DPYSL3: variants seen among roughly 807,000 people sequenced by gnomAD.
DPYSL3 encodes the protein dihydropyrimidinase like 3.
DPYSL3 carries 16 observed loss-of-function variants against 66.1 expected under a neutral mutation model. The ratio of observed to expected loss-of-function variants is 0.24; its 90% CI spans 0.16 to 0.37. DPYSL3 has a LOEUF of 0.37. Ranked by LOEUF, DPYSL3 falls within the 10% of genes least tolerant of loss-of-function variation. The pLI, the probability that DPYSL3 is intolerant of heterozygous loss-of-function variation, is 1.00. For missense variants in DPYSL3, 738 were observed against 916.2 expected, an observed-to-expected ratio of 0.81 and a Z score of 2.51; for synonymous variants, 338 against 345.1, an observed-to-expected ratio of 0.98 and a Z score of 0.23.
intron 1 of DPYSL3, among the ~76,000 whole-genome samples, chr5:147,429,294 C>T (rs946106215): frequency 6.6e-6 from 1 of 152,150 alleles, no homozygotes; most frequent in Non-Finnish European, 1.5e-5. Context: ...CAGCAGGGTT[C>T]TAGGCATACC....
At chr5:147,506,226 T>C (rs1428020494) in intron 1 of DPYSL3, among the ~76,000 whole-genome samples, 1 of 152,128 alleles carries the variant, frequency 6.6e-6, no homozygotes, top group African/African-American at 2.4e-5. Flanking sequence ...TAGTGATAAA[T>C]ATTATAGAAG....
chr5:147,447,564 G>A (rs141739513), intron 1 of DPYSL3, among the ~76,000 whole-genome samples: 2 of 152,180 alleles, frequency 1.3e-5, no homozygotes, highest in East Asian at 1.9e-4. Context: ...GGAGCAGTTC[G>A]CCTCTCCTAT....
At chr5:147,436,013 T>C (rs1023115362) in intron 1 of DPYSL3, among the ~76,000 whole-genome samples, 13 of 152,228 alleles carry the variant, frequency 8.5e-5, no homozygotes, top group African/African-American at 2.9e-4. Flanking sequence ...AGCAGAGACA[T>C]GCAGCTGCCC....
In DPYSL3 at chr5:147,509,932, C is replaced by A; in HGVS notation, c.-74G>T. 1.4e-6 allele frequency: 2 copies of A among 1,448,192 alleles called. No individual in the cohort carries two copies. Among genetic ancestry groups the A allele is most frequent in the Non-Finnish European group, 1.8e-6 (2 of 1,103,676 alleles). 89.7% of individuals were successfully genotyped at this position (1,448,192 alleles called of 1,614,324 possible). A position where few individuals can be genotyped will look rare whatever the true frequency, so the allele number is the denominator to read the frequency against. On this transcript the variant is annotated 5_prime_UTR_variant, in exon 1 of 14. Coordinates refer to ENST00000343218, the MANE Select transcript of DPYSL3 (RefSeq NM_001197294.2). This position sits in a 1 kb window ranked among gnomAD's most constrained non-coding sequence, Gnocchi z 5.3. ...AAGGGCAGCCGCCGGCAGCGTGCGCCGAGCCACAGTGACTGTGGCGGGAGG... is the reference window on the plus strand; with the variant it reads ...AAGGGCAGCCGCCGGCAGCGTGCGCAGAGCCACAGTGACTGTGGCGGGAGG...
intron 1 of DPYSL3, among the ~76,000 whole-genome samples, chr5:147,467,896 GT>G (rs1753034122): frequency 6.6e-6 from 1 of 152,150 alleles, no homozygotes; most frequent in Admixed American, 6.6e-5. Context: ...CTCCTGGATG[GT>G]GCCTTCTAGG....
chr5:147,394,928 T>C (rs1466660531), intron 13 of DPYSL3, among the ~76,000 whole-genome samples: 1 of 152,224 alleles, frequency 6.6e-6, no homozygotes, highest in Non-Finnish European at 1.5e-5. Context: ...TTATTCATTA[T>C]AGGAATGCGA....
chr5:147,510,043 T>C lies in DPYSL3; in HGVS notation c.-185A>G, dbSNP rs923389450. Reference sequence around the variant, plus strand: ...CGAGCCAGCGAGCCACACAGCCAGCTAGCGCGCGGAGCAGGGGCCCAGAGT... The same window carrying C: ...CGAGCCAGCGAGCCACACAGCCAGCCAGCGCGCGGAGCAGGGGCCCAGAGT... On this transcript the variant is annotated 5_prime_UTR_variant, in exon 1 of 14. Transcript: ENST00000343218. 1.2e-5 allele frequency: 13 copies of C among 1,041,990 alleles called. No individual in the cohort carries two copies. The highest frequency in any genetic ancestry group is 2.8e-5 in the East Asian group (1 of 35,324). 64.5% of individuals were successfully genotyped at this position (1,041,990 alleles called of 1,614,324 possible).
intron 1 of DPYSL3, among the ~76,000 whole-genome samples, chr5:147,501,282 G>C (rs796206624): frequency 1.1e-4 from 16 of 152,200 alleles, no homozygotes; most frequent in African/African-American, 3.1e-4. Context: ...GCAGTAAAAA[G>C]ATCAGTGGTT....
chr5:147,400,267 A>C (rs1013098399), intron 10 of DPYSL3, among the ~76,000 whole-genome samples: 2 of 152,230 alleles, frequency 1.3e-5, no homozygotes, highest in Non-Finnish European at 2.9e-5. Flanking sequence ...ACATGCCCTC[A>C]GTACAGGGCG....
chr5:147,429,739 C>T (rs1356884142), intron 1 of DPYSL3, among the ~76,000 whole-genome samples: 3 of 152,056 alleles, frequency 2.0e-5, no homozygotes, highest in African/African-American at 4.8e-5. Context: ...CCTAGGACAC[C>T]GTACCAAGTG....
At chr5:147,493,559 GCGAGAC>G (rs1238151247) in intron 1 of DPYSL3, among the ~76,000 whole-genome samples, 2 of 151,762 alleles carry the variant, frequency 1.3e-5, no homozygotes, top group Non-Finnish European at 2.9e-5. Flanking sequence ...GGGTGACAGA[GCGAGAC>G]TCTGTCTAAA....
intron 1 of DPYSL3, among the ~76,000 whole-genome samples, chr5:147,462,980 C>A (rs1417153718): frequency 6.6e-6 from 1 of 152,114 alleles, no homozygotes; most frequent in Non-Finnish European, 1.5e-5. Flanking sequence ...AAATGCCCAG[C>A]ACAAGGTTCT....
chr5:147,400,843 G>A lies in DPYSL3; in HGVS notation c.1311-10C>T, dbSNP rs58562158. On this transcript the variant is annotated splice_polypyrimidine_tract_variant and intron_variant, in intron 9 of 13. Transcript: ENST00000343218. The stretch of plus-strand genomic sequence containing the variant: ...TAGCTGCAGATCCCCGCTGGCAAAG[G>A]AGAAAAGCTCCACATGAACAGGGGA... The A allele has an allele frequency of 5.9e-3, 9,511 of 1,612,620 alleles. 494 individuals carry two copies. The African/African-American group carries it at 0.11, about 19-fold the overall frequency.
At chr5:147,447,207 T>C (rs1211293125) in intron 1 of DPYSL3, among the ~76,000 whole-genome samples, 2 of 152,202 alleles carry the variant, frequency 1.3e-5, no homozygotes, top group Non-Finnish European at 2.9e-5. Flanking sequence ...TTCTTACCAC[T>C]GTGTTCCCTA....
intron 1 of DPYSL3, among the ~76,000 whole-genome samples, chr5:147,503,008 C>T (rs2126461818): frequency 6.6e-6 from 1 of 152,328 alleles, no homozygotes; most frequent in Non-Finnish European, 1.5e-5. Flanking sequence ...TGAGCACTAA[C>T]CAGCACCTGG....
At chr5:147,479,372 A>T (rs375269306) in intron 1 of DPYSL3, among the ~76,000 whole-genome samples, 1 of 152,208 alleles carries the variant, frequency 6.6e-6, no homozygotes. Flanking sequence ...CTTTGGCTGT[A>T]TATTCTAAGA....
At chr5:147,410,046 C>T (rs924180417) in intron 6 of DPYSL3, among the ~76,000 whole-genome samples, 2 of 152,106 alleles carry the variant, frequency 1.3e-5, no homozygotes, top group African/African-American at 2.4e-5. Context: ...AGAAAAGCAC[C>T]TCCACTTTTC....
chr5:147,457,420 T>A (rs567311227), intron 1 of DPYSL3, among the ~76,000 whole-genome samples: 1 of 152,280 alleles, frequency 6.6e-6, no homozygotes, highest in African/African-American at 2.4e-5. Context: ...ATGTAAGAAT[T>A]TTTTAAAATT....
intron 1 of DPYSL3, among the ~76,000 whole-genome samples, chr5:147,462,174 A>G (rs1456504937): frequency 6.6e-6 from 1 of 152,166 alleles, no homozygotes; most frequent in African/African-American, 2.4e-5. Flanking sequence ...CCTCAAGTAC[A>G]TTGTACATAG....
Sources: allele counts gnomAD v4.1 joint callset (sites outside exome capture counted in the v4.1 genomes callset), GRCh38; gene constraint gnomAD v4.1.1; non-coding constraint Gnocchi (gnomAD v3.1); transcripts MANE v1.5; gene names NCBI Gene and HGNC (gene_info 2026-07-23, HGNC 2026-07-21).